Variants in PRC1 observed in about 807,000 individuals in gnomAD.
The protein encoded by PRC1 is anaphase spindle elongation 1 homolog.
In PRC1, 54 loss-of-function variants were observed where a neutral mutation model predicts 91.2. The ratio of observed to expected loss-of-function variants is 0.59; its 90% CI spans 0.48 to 0.74. PRC1 has a LOEUF of 0.74. Among genes scored for constraint, PRC1 ranks in the 30% least tolerant of loss-of-function variants. The pLI is 0.00. For synonymous variants in PRC1, 275 were observed against 263.6 expected (o/e 1.04, Z -0.42); for missense variants, 727 against 746.2 (o/e 0.97, Z 0.30).
rs1261464529 is a variant in PRC1 at position 90,984,950 on chromosome 15, A to T, written c.12-125T>A. 8.1e-7 allele frequency: 1 copy of T among 1,228,004 alleles called. No individual in the cohort carries two copies. The highest frequency in any genetic ancestry group is 1.1e-6 in the Non-Finnish European group (1 of 882,950). The allele number at this position is 1,228,004 out of a possible 1,614,324, so 76.1% of individuals were successfully genotyped here. A position where few individuals can be genotyped will look rare whatever the true frequency, so the allele number is the denominator to read the frequency against. On this transcript the variant is annotated intron_variant, in intron 1 of 14. Coordinates refer to ENST00000394249, the MANE Select transcript of PRC1 (RefSeq NM_003981.4). This position sits in a 1 kb window ranked among gnomAD's most constrained non-coding sequence, Gnocchi z 5.1. ...TCGAGAAAAAAACAAATTGAAAACA[A>T]GCATTCAGCTTAATTCACCTTTAAC...
chr15:90,968,787 T>A, intron 14 of PRC1: 1 of 1,217,862 alleles, frequency 8.2e-7, no homozygotes, highest in Admixed American at 3.5e-5. Context: ...TTCCAGCTAT[T>A]GCAGGCCTTT....
chr15:90,983,121 T>C (rs539847555), intron 3 of PRC1, among the ~76,000 whole-genome samples: 8 of 152,324 alleles, frequency 5.3e-5, no homozygotes, highest in African/African-American at 1.9e-4. Flanking sequence ...AAATCAATTA[T>C]ATTTATGACA....
chr15:90,968,357 T>C, intron 14 of PRC1: 1 of 985,536 alleles, frequency 1.0e-6, no homozygotes, highest in Non-Finnish European at 1.2e-6. Context: ...AACTGTTCCA[T>C]TCTCTATCCC....
chr15:90,983,976 G>A (rs911020361), intron 3 of PRC1, 42 bp downstream of exon 3: 107 of 1,608,586 alleles, frequency 6.7e-5, no homozygotes, highest in Non-Finnish European at 8.4e-5. Context: ...TAAGTCTCAG[G>A]CCCCAGACAG....
chr15:90,982,082 A>C (rs931889389), intron 3 of PRC1, 101 bp from the exon 4 acceptor site: 27 of 1,087,580 alleles, frequency 2.5e-5, no homozygotes, highest in East Asian at 1.4e-4. Flanking sequence ...CTTTCAGTTA[A>C]ACTAACAAGT....
At chr15:90,981,090 C>T (rs537835733) in intron 5 of PRC1, 57 bp from the exon 6 acceptor site, 4 of 1,594,406 alleles carry the variant, frequency 2.5e-6, no homozygotes, top group Admixed American at 1.7e-5. Context: ...GAGGCTAGCC[C>T]TCTAGCCTCC....
At chr15:90,987,790 T>C (rs529706369) in intron 1 of PRC1, 1 of 152,136 alleles carries the variant, frequency 6.6e-6, no homozygotes, top group Non-Finnish European at 1.5e-5. Flanking sequence ...CATTAGCCCC[T>C]TTCTGTCTCA....
chr15:90,966,458 C>T lies in PRC1; in HGVS notation c.*673G>A. On this transcript the variant is annotated 3_prime_UTR_variant, in exon 15 of 15. Coordinates refer to ENST00000394249, the MANE Select transcript of PRC1 (RefSeq NM_003981.4). ...AATGGGGGAGATGAGAGCCAAGGGA[C>T]AAACGCCGAGAAAGCGTTCCGACAA... 2.6e-6 allele frequency: 1 copy of T among 390,578 alleles called. No homozygotes were observed. 24.2% of individuals were successfully genotyped at this position (390,578 alleles called of 1,614,324 possible).
intron 1 of PRC1, among the ~76,000 whole-genome samples, chr15:90,993,416 C>T (rs1479457158): frequency 6.6e-6 from 1 of 151,956 alleles, no homozygotes; most frequent in Admixed American, 6.6e-5. Context: ...CATGTTGGCA[C>T]TCAATTCTCA....
At chr15:90,969,678 C>T in intron 12 of PRC1, 55 bp from the exon 13 acceptor site, 2 of 1,507,168 alleles carry the variant, frequency 1.3e-6, no homozygotes, top group Non-Finnish European at 1.8e-6. Flanking sequence ...CGTGCACACG[C>T]ACACACAATA....
rs1252839246 is a variant in PRC1 at position 90,984,380 on chromosome 15, C to G, written c.145-240G>C. On this transcript the variant is annotated intron_variant, in intron 2 of 14. Coordinates refer to ENST00000394249, the MANE Select transcript of PRC1 (RefSeq NM_003981.4). The surrounding 1 kb of genome is among the most constrained non-coding windows in gnomAD (Gnocchi z 5.1). ...AGTAGCTGGGATTACAGGTGCTCACCACCATGCCCGGCTAATTTTTTTATT... is the reference window on the plus strand; with the variant it reads ...AGTAGCTGGGATTACAGGTGCTCACGACCATGCCCGGCTAATTTTTTTATT... 6.6e-6 allele frequency among the ~76,000 whole-genome samples: 1 copy of G among 152,146 alleles called. No individual in the cohort carries two copies. The highest frequency in any genetic ancestry group is 2.4e-5 in the African/African-American group (1 of 41,420).
At chr15:90,987,880 C>T (rs1176813654) in intron 1 of PRC1, 1 of 152,178 alleles carries the variant, frequency 6.6e-6, no homozygotes, top group Non-Finnish European at 1.5e-5. Context: ...CATTCACATC[C>T]AAAATATCTC....
chr15:90,973,034 C>T (rs1386926591), intron 11 of PRC1: 1 of 152,308 alleles, frequency 6.6e-6, no homozygotes, highest in African/African-American at 2.4e-5. Flanking sequence ...CTCAGCCTTC[C>T]ATCCACTCAA....
intron 6 of PRC1, 66 bp from the exon 7 acceptor site, chr15:90,980,455 TC>T: frequency 2.7e-6 from 4 of 1,471,594 alleles, no homozygotes; most frequent in Non-Finnish European, 2.7e-6. Context: ...TTGCAAAAGA[TC>T]CCCCCCTTTT....
At position 90,979,232 on chromosome 15, in the gene PRC1, A is replaced by T; in HGVS notation, c.1033T>A (p.Tyr345Asn). 6.2e-7 allele frequency: 1 copy of T among 1,614,228 alleles called. No homozygotes were observed. Among genetic ancestry groups the T allele is most frequent in the Non-Finnish European group, 8.5e-7 (1 of 1,180,028 alleles). ...TCAAAGAGTTCCTTGTGAACTTCATAGTAGTTTTTTAACCGCACAATCTCA... is the reference window on the plus strand; with the variant it reads ...TCAAAGAGTTCCTTGTGAACTTCATTGTAGTTTTTTAACCGCACAATCTCA... ...DAEIVRLKNY[Y>N]EVHKELFEGV... Residue 345 changes from tyrosine (Y) to asparagine (N), a missense_variant, in exon 8 of 15, where the codon TAT becomes AAT. Coordinates refer to ENST00000394249, the MANE Select transcript of PRC1 (RefSeq NM_003981.4).
Position 90,976,362 on chromosome 15 carries a change from T to C in PRC1, c.1203+314A>G, listed in dbSNP as rs868806962. Among the ~76,000 whole-genome samples, 311 of 145,578 alleles carry C rather than the reference T, an allele frequency of 2.1e-3. 4 individuals carry two copies. Among genetic ancestry groups the C allele is most frequent in the Middle Eastern group, 0.01 (3 of 292 alleles). On this transcript the variant is annotated intron_variant, in intron 9 of 14. Transcript: ENST00000394249. ...CCTCATGATCAAGACCAGGCTGGTC[T>C]TGAACTCCTGACCTCATGATCAAGA...
At chr15:90,983,961 C>G in intron 3 of PRC1, 57 bp downstream of exon 3, 1 of 1,586,600 alleles carries the variant, frequency 6.3e-7, no homozygotes, top group South Asian at 1.1e-5. Flanking sequence ...GTCAACGTTG[C>G]TTTCTAAGTC....
chr15:90,969,853 CAGG>C (rs1055732181), intron 12 of PRC1, among the ~76,000 whole-genome samples: 10 of 147,268 alleles, frequency 6.8e-5, no homozygotes, highest in Non-Finnish European at 6.0e-5. Context: ...GAGGCCAAGG[CAGG>C]AGGATTGCTT....
rs2037540235 is a variant in PRC1 at position 90,966,892 on chromosome 15, G to A, written c.*239C>T. 1.8e-6 allele frequency: 1 copy of A among 556,174 alleles called. No homozygotes were observed. Among genetic ancestry groups the A allele is most frequent in the South Asian group, 2.1e-5 (1 of 47,514 alleles). 34.5% of individuals were successfully genotyped at this position (556,174 alleles called of 1,614,324 possible). On this transcript the variant is annotated 3_prime_UTR_variant, in exon 15 of 15. Transcript: ENST00000394249. ...AGTCAGGCCCCATATGCTAAAATTT[G>A]CACTTCTTGCCATAAACTTTTCATG...
Sources: allele counts gnomAD v4.1 joint callset (sites outside exome capture counted in the v4.1 genomes callset), GRCh38; gene constraint gnomAD v4.1.1; non-coding constraint Gnocchi (gnomAD v3.1); transcripts MANE v1.5; gene names NCBI Gene and HGNC (gene_info 2026-07-23, HGNC 2026-07-21).